The following SH3TC2 variants were observed in gnomAD, a reference collection of about 807,000 sequenced individuals.
SH3TC2 encodes the protein SH3 domain and tetratricopeptide repeats 2, also known as SH3 domain and tetratricopeptide repeat-containing protein 2.
SH3TC2 carries 87 observed loss-of-function variants against 124.5 expected under a neutral mutation model. That is an observed-to-expected ratio of 0.70 (90% CI 0.59 to 0.84). SH3TC2 has a LOEUF of 0.84. Ranked by LOEUF, SH3TC2 falls within the 40% of genes least tolerant of loss-of-function variation. The pLI is 0.00. For missense variants in SH3TC2, 1,536 were observed against 1,566.4 expected, an observed-to-expected ratio of 0.98 and a Z score of 0.33; for synonymous variants, 634 against 628.5, an observed-to-expected ratio of 1.01 and a Z score of -0.13.
chr5:149,019,785 GT>G (rs1753937431), intron 12 of SH3TC2, among the ~76,000 whole-genome samples: 1 of 152,160 alleles, frequency 6.6e-6, no homozygotes, highest in Non-Finnish European at 1.5e-5. Context: ...CATCCTGCTT[GT>G]CCCTAGCTCT....
At chr5:149,033,025 TATTTC>T (rs1398797442) in intron 8 of SH3TC2, among the ~76,000 whole-genome samples, 6 of 152,240 alleles carry the variant, frequency 3.9e-5, no homozygotes, top group African/African-American at 1.4e-4. Flanking sequence ...CTAAATTTAC[TATTTC>T]ATTTACTGTT....
chr5:149,040,562 C>T (rs1171538173), intron 7 of SH3TC2, 42 bp downstream of exon 7: 1 of 1,556,890 alleles, frequency 6.4e-7, no homozygotes, highest in African/African-American at 1.4e-5. Flanking sequence ...GGCAGGACAA[C>T]ATTATCTCCC....
Position 148,994,349 on chromosome 5 carries a change from C to A in SH3TC2, c.*10362G>T, listed in dbSNP as rs1753468893. Among the ~76,000 whole-genome samples the A allele has an allele frequency of 6.6e-6, 1 of 152,110 alleles. No individual in the cohort carries two copies. The highest frequency in any genetic ancestry group is 6.6e-5 in the Admixed American group (1 of 15,264). On this transcript the variant is annotated 3_prime_UTR_variant, in exon 17 of 17. Transcript: ENST00000515425. ...GCAGGTAGGAGAAATTAAGAGAAGT[C>A]AATGATATAATAAGAGTATAACCTT...
chr5:149,038,552 T>C, intron 7 of SH3TC2, 62 bp from the exon 8 acceptor site: 1 of 1,535,596 alleles, frequency 6.5e-7, no homozygotes, highest in South Asian at 1.1e-5. Flanking sequence ...TCCCATCACC[T>C]TCCAATGCAA....
chr5:149,049,208 C>T (rs1368942213), intron 2 of SH3TC2, among the ~76,000 whole-genome samples: 3 of 152,190 alleles, frequency 2.0e-5, no homozygotes, highest in Non-Finnish European at 4.4e-5. Context: ...TCCTCCTAGG[C>T]TTATGCTCCA....
In SH3TC2 at chr5:148,996,788, A is replaced by G. The variant is rs1474918308; in HGVS notation, c.*7923T>C. On this transcript the variant is annotated 3_prime_UTR_variant, in exon 17 of 17. Coordinates refer to ENST00000515425, the MANE Select transcript of SH3TC2 (RefSeq NM_024577.4). ...CACATATTTGGCCCGTGCAAGGAAGATCAAGTAGCTGAGAGTCATACAGAT... is the reference window on the plus strand; with the variant it reads ...CACATATTTGGCCCGTGCAAGGAAGGTCAAGTAGCTGAGAGTCATACAGAT... Among the ~76,000 whole-genome samples, 1 of 152,220 alleles carries G rather than the reference A, an allele frequency of 6.6e-6. No homozygotes were observed. The highest frequency in any genetic ancestry group is 6.5e-5 in the Admixed American group (1 of 15,286).
Position 149,003,504 on chromosome 5 carries a change from A to C in SH3TC2, c.*1207T>G, listed in dbSNP as rs1460179309. 1 of 158,164 alleles carries C rather than the reference A, an allele frequency of 6.3e-6. No homozygotes were observed. Among genetic ancestry groups the C allele is most frequent in the Non-Finnish European group, 1.4e-5 (1 of 71,678 alleles). 9.8% of individuals were successfully genotyped at this position (158,164 alleles called of 1,614,324 possible). ...TTGGAAGCCCATCCTTCTCTAGTTG[A>C]AGTTGAGATAACTGCAGCCCCAGCT... On this transcript the variant is annotated 3_prime_UTR_variant, in exon 17 of 17. Coordinates refer to ENST00000515425, the MANE Select transcript of SH3TC2 (RefSeq NM_024577.4).
Position 149,004,412 on chromosome 5 carries a change from CT to C in SH3TC2, c.*298del. The stretch of plus-strand genomic sequence containing the variant: ...GCTCCTGGAGGGCAAGATCCCTCAT[CT>C]TCTCCAGAATTATGTATGGAGAAAG... On this transcript the variant is annotated 3_prime_UTR_variant, in exon 17 of 17. Transcript: ENST00000515425. The C allele has an allele frequency of 2.6e-6, 1 of 380,768 alleles. No homozygotes were observed. 23.6% of individuals were successfully genotyped at this position (380,768 alleles called of 1,614,324 possible). A position where few individuals can be genotyped will look rare whatever the true frequency, so the allele number is the denominator to read the frequency against.
rs75417523 is a variant in SH3TC2, at chr5:149,042,647, G to A, written c.529+47C>T. On this transcript the variant is annotated intron_variant, in intron 5 of 16. Coordinates refer to ENST00000515425, the MANE Select transcript of SH3TC2 (RefSeq NM_024577.4). ...CCTGCTTATTTCATGGCCTCTGGTA[G>A]CAAATATCTGAATAAGATCCCATCT... The A allele has an allele frequency of 2.1e-3, 3,444 of 1,611,718 alleles. 63 individuals are homozygous for A. In the African/African-American group the frequency reaches 0.041, roughly 19 times the overall value.
rs1373496993 is a variant in SH3TC2, at chr5:148,995,212, A to G, written c.*9499T>C. On this transcript the variant is annotated 3_prime_UTR_variant, in exon 17 of 17. Transcript: ENST00000515425. ...CTAAGTTCTGAAAGAGAAAACGTGT[A>G]TCAGAATTACATAATTATATAAAGC... 6.6e-6 allele frequency among the ~76,000 whole-genome samples: 1 copy of G among 152,274 alleles called. No homozygotes were observed. Among genetic ancestry groups the G allele is most frequent in the Non-Finnish European group, 1.5e-5 (1 of 68,046 alleles).
At position 148,994,640 on chromosome 5, in the gene SH3TC2, TTGGTTGG is replaced by T; in HGVS notation, c.*10064_*10070del. Among the ~76,000 whole-genome samples the T allele has an allele frequency of 6.6e-6, 1 of 151,584 alleles. No individual in the cohort carries two copies. Among genetic ancestry groups the T allele is most frequent in the Middle Eastern group, 3.4e-3 (1 of 294 alleles). ...GTTGGTTGGTTGGTTGGTTGGTTGG[TTGGTTGG>T]TTGGTTGGTTGGTTAATTGGCTGGT... On this transcript the variant is annotated 3_prime_UTR_variant, in exon 17 of 17. Coordinates refer to ENST00000515425, the MANE Select transcript of SH3TC2 (RefSeq NM_024577.4).
At position 148,993,029 on chromosome 5, in the gene SH3TC2, G is replaced by C. The variant is rs1753446641; in HGVS notation, c.*11682C>G. Among the ~76,000 whole-genome samples, 1 of 152,102 alleles carries C rather than the reference G, an allele frequency of 6.6e-6. No homozygotes were observed. Among genetic ancestry groups the C allele is most frequent in the African/African-American group, 2.4e-5 (1 of 41,400 alleles). Reference sequence around the variant, plus strand: ...TCTGTGAATGAAAACTTAGCCCACAGCGTTTCATTTAGATCTGGTCTGGGC... The same window carrying C: ...TCTGTGAATGAAAACTTAGCCCACACCGTTTCATTTAGATCTGGTCTGGGC... On this transcript the variant is annotated 3_prime_UTR_variant, in exon 17 of 17. Transcript: ENST00000515425.
At chr5:149,040,528 C>T in intron 7 of SH3TC2, 76 bp downstream of exon 7, 1 of 1,381,496 alleles carries the variant, frequency 7.2e-7, no homozygotes. Context: ...TCAACTGACT[C>T]CAAACCTGCA....
At chr5:149,005,378 G>T (rs572895334) in intron 16 of SH3TC2, among the ~76,000 whole-genome samples, 2 of 152,346 alleles carry the variant, frequency 1.3e-5, no homozygotes, top group African/African-American at 4.8e-5. Context: ...GGAATACAAT[G>T]AGAGGTGGGG....
chr5:149,009,419 A>G (rs780936647), intron 14 of SH3TC2, among the ~76,000 whole-genome samples: 3 of 152,118 alleles, frequency 2.0e-5, no homozygotes, highest in Non-Finnish European at 4.4e-5. Flanking sequence ...TCATGATAGA[A>G]TTTTAGGCAA....
chr5:149,046,062 G>C, intron 3 of SH3TC2: 1 of 310,832 alleles, frequency 3.2e-6, no homozygotes, highest in South Asian at 2.5e-5. Flanking sequence ...GTGACGGTCA[G>C]AACATCCCTC....
chr5:149,041,754 A>T lies in SH3TC2; in HGVS notation c.530-137T>A, dbSNP rs548696900. 4.3e-6 allele frequency: 4 copies of T among 929,888 alleles called. No homozygotes were observed. In the East Asian group the frequency reaches 1.1e-4, roughly 25 times the overall value. 57.6% of individuals were successfully genotyped at this position (929,888 alleles called of 1,614,324 possible). A position where few individuals can be genotyped will look rare whatever the true frequency, so the allele number is the denominator to read the frequency against. On this transcript the variant is annotated intron_variant, in intron 5 of 16. Coordinates refer to ENST00000515425, the MANE Select transcript of SH3TC2 (RefSeq NM_024577.4). ...GTAAAGTAGACGTTTCACAGGGGAG[A>T]CACTAAAAGAGGCCTTATGATCCCA... is the stretch of plus-strand genomic sequence containing the variant.
At position 149,031,598 on chromosome 5, in the gene SH3TC2, AG is replaced by A. The variant is rs2127398558; in HGVS notation, c.1090del (p.Leu364SerfsTer28). 1.9e-6 allele frequency: 3 copies of A among 1,614,158 alleles called. No homozygotes were observed. The highest frequency in any genetic ancestry group is 2.5e-6 in the Non-Finnish European group (3 of 1,180,020). On this transcript the variant is annotated frameshift_variant, in exon 9 of 17. Transcript: ENST00000515425. LOFTEE classifies it high-confidence loss of function. ...GATGTCAGTGCGAGCAAGAGTGTGG[AG>A]GAAGCTGGAACACTCAGTCTGCTTA... ...SDKQTECSSF[L>X]HTLARTDITS...
rs1754109945 is a variant in SH3TC2 at position 149,028,230 on chromosome 5, A to G, written c.1502T>C (p.Phe501Ser). The G allele has an allele frequency of 6.2e-7, 1 of 1,614,014 alleles. No homozygotes were observed. The highest frequency in any genetic ancestry group is 8.5e-7 in the Non-Finnish European group (1 of 1,180,026). ...GGCCACAAACTCATCCTCCTCAGAG[A>G]AGCTATAAAAGGAAGAAGTGAGGAA... Reference protein sequence around the residue: ...FSFLTSSFYSFSEEDEFVAYL... With the variant: ...FSFLTSSFYSSSEEDEFVAYL... Residue 501 changes from phenylalanine (F) to serine (S), a missense_variant, in exon 11 of 17, where the codon TTC (phenylalanine) becomes TCC (serine). Physicochemically the swap from Phe to Ser is radical, Grantham distance 155. Around this residue, in one of 3 missense-constraint regions of SH3TC2, gnomAD observed 1,102 missense variants for 1,098.6 expected, o/e 1.00. Transcript: ENST00000515425.
Sources: gnomAD v4.1 joint callset for allele counts (sites outside exome capture counted in the v4.1 genomes callset) on GRCh38, gnomAD v4.1.1 for gene constraint, gnomAD v4.1.1 regional missense constraint, MANE v1.5 for transcripts, NCBI Gene and HGNC (gene_info 2026-07-23, HGNC 2026-07-21) for gene names.